Variants in SRPK2 observed in about 807,000 individuals in gnomAD.
SRPK2 encodes SFRS protein kinase 2.
Under a neutral mutation model 90.8 loss-of-function variants are expected in SRPK2, and 21 were observed. The observed-to-expected ratio is 0.23, with a 90% CI of 0.16 to 0.33. The LOEUF (loss-of-function observed/expected upper bound fraction) is 0.33. Ranked by LOEUF, SRPK2 falls within the 10% of genes least tolerant of loss-of-function variation. The probability of loss-of-function intolerance (pLI) is 1.00; values close to 1 mark genes in which losing one functional copy is unlikely to be tolerated. For missense variants in SRPK2, 620 were observed against 869.0 expected (o/e 0.71, Z 3.60); for synonymous variants, 288 against 311.1 (o/e 0.93, Z 0.78).
chr7:105,285,165 T>C (rs972147277), intron 2 of SRPK2, among the ~76,000 whole-genome samples: 5 of 152,072 alleles, frequency 3.3e-5, no homozygotes, highest in Admixed American at 3.3e-4. Flanking sequence ...GCAGGAGGAT[T>C]GCTTGAGCCC....
At chr7:105,308,038 G>GT (rs1811328479) in intron 2 of SRPK2, among the ~76,000 whole-genome samples, 1 of 152,170 alleles carries the variant, frequency 6.6e-6, no homozygotes, top group Non-Finnish European at 1.5e-5. Flanking sequence ...GGAGAACTTA[G>GT]TAATATTAAC....
intron 2 of SRPK2, among the ~76,000 whole-genome samples, chr7:105,367,769 T>C (rs1393270371): frequency 6.6e-6 from 1 of 152,208 alleles, no homozygotes; most frequent in Non-Finnish European, 1.5e-5. Context: ...TGTGTACATT[T>C]CATGTTGGTA....
chr7:105,321,437 C>A (rs1314242489), intron 2 of SRPK2, among the ~76,000 whole-genome samples: 2 of 152,040 alleles, frequency 1.3e-5, no homozygotes, highest in Non-Finnish European at 2.9e-5. Flanking sequence ...AGATATAACA[C>A]CAAAAAAGCA....
intron 2 of SRPK2, among the ~76,000 whole-genome samples, chr7:105,245,708 A>G (rs765240592): frequency 4.6e-5 from 7 of 152,050 alleles, no homozygotes; most frequent in Non-Finnish European, 8.8e-5. Context: ...GCATTTAGAA[A>G]ACACTTTTTT....
Position 105,116,875 on chromosome 7 carries a change from T to C in SRPK2, c.*963A>G, listed in dbSNP as rs1326021389. On this transcript the variant is annotated 3_prime_UTR_variant, in exon 16 of 16. Coordinates refer to ENST00000393651, the MANE Select transcript of SRPK2 (RefSeq NM_182692.3). ...TGCAAATTGTATATACCATACCTTG[T>C]GTTCTAGACAAGCATGATCATGCTT... 1.3e-5 allele frequency: 2 copies of C among 152,232 alleles called. No homozygotes were observed. The highest frequency in any genetic ancestry group is 1.3e-4 in the Admixed American group (2 of 15,286). The allele number at this position is 152,232 out of a possible 1,614,324, so 9.4% of individuals were successfully genotyped here. A position where few individuals can be genotyped will look rare whatever the true frequency, so the allele number is the denominator to read the frequency against.
chr7:105,303,062 A>G (rs1810741635), intron 2 of SRPK2, among the ~76,000 whole-genome samples: 1 of 152,102 alleles, frequency 6.6e-6, no homozygotes, highest in African/African-American at 2.4e-5. Flanking sequence ...CGACAGAACA[A>G]GACTCCGTCT....
At chr7:105,302,537 T>C (rs1164673641) in intron 2 of SRPK2, among the ~76,000 whole-genome samples, 1 of 152,234 alleles carries the variant, frequency 6.6e-6, no homozygotes, top group East Asian at 1.9e-4. Context: ...ATCTCTTCTT[T>C]TGCTTAATTA....
intron 13 of SRPK2, 103 bp from the exon 14 acceptor site, chr7:105,127,165 TCAAA>T: frequency 9.6e-7 from 1 of 1,041,506 alleles, no homozygotes; most frequent in Non-Finnish European, 1.4e-6. Flanking sequence ...AAGATCTGAA[TCAAA>T]CAAAATAGCC....
intron 2 of SRPK2, among the ~76,000 whole-genome samples, chr7:105,378,798 C>G (rs1023845773): frequency 2.0e-5 from 3 of 151,576 alleles, no homozygotes; most frequent in African/African-American, 7.3e-5. Flanking sequence ...CATCATTACT[C>G]AGGAAAATGC....
rs564218419 is a variant in SRPK2, at chr7:105,139,437, T to C, written c.1543+2571A>G. Among the ~76,000 whole-genome samples, 105 of 152,280 alleles carry C rather than the reference T, an allele frequency of 6.9e-4. 1 individual carries two copies. The highest frequency in any genetic ancestry group is 2.4e-3 in the African/African-American group (101 of 41,552). On this transcript the variant is annotated intron_variant, in intron 11 of 15. Transcript: ENST00000393651. ...AAAAGAAGACATCCTGATGATCAAG[T>C]TTCTCACTGGAGCAACAAGAAATGG...
intron 2 of SRPK2, among the ~76,000 whole-genome samples, chr7:105,327,870 G>C (rs775207944): frequency 6.6e-6 from 1 of 152,148 alleles, no homozygotes; most frequent in Non-Finnish European, 1.5e-5. Context: ...GCGTGATCCC[G>C]GCTCACTGCA....
chr7:105,336,833 C>T (rs993009317), intron 2 of SRPK2, among the ~76,000 whole-genome samples: 4 of 152,014 alleles, frequency 2.6e-5, no homozygotes, highest in South Asian at 4.1e-4. Context: ...GACAGGGTCT[C>T]GCTCTGTTGC....
chr7:105,331,146 A>AT, intron 2 of SRPK2, among the ~76,000 whole-genome samples: 1 of 151,826 alleles, frequency 6.6e-6, no homozygotes, highest in East Asian at 1.9e-4. Flanking sequence ...TACCAAAAAT[A>AT]TTTTTTTAAA....
chr7:105,397,194 T>C (rs1294435799), intron 1 of SRPK2, among the ~76,000 whole-genome samples: 1 of 151,748 alleles, frequency 6.6e-6, no homozygotes, highest in African/African-American at 2.4e-5. Flanking sequence ...ATTTTTGTAT[T>C]TTTAATAGAG....
intron 2 of SRPK2, among the ~76,000 whole-genome samples, chr7:105,336,067 CA>C (rs1815061608): frequency 6.6e-6 from 1 of 151,758 alleles, no homozygotes; most frequent in African/African-American, 2.4e-5. Context: ...TGAAAAAAAT[CA>C]AATGTTATCT....
chr7:105,209,942 C>T (rs538307769), intron 2 of SRPK2, among the ~76,000 whole-genome samples: 8 of 152,056 alleles, frequency 5.3e-5, no homozygotes, highest in Non-Finnish European at 1.2e-4. Flanking sequence ...CTTTCAATAT[C>T]ATACTATAAT....
intron 2 of SRPK2, among the ~76,000 whole-genome samples, chr7:105,242,546 T>C (rs1384064781): frequency 1.3e-5 from 2 of 152,066 alleles, no homozygotes; most frequent in South Asian, 2.1e-4. Flanking sequence ...CAGCTGGAAA[T>C]GTATAAGCAA....
intron 3 of SRPK2, among the ~76,000 whole-genome samples, chr7:105,198,758 T>G (rs138343092): frequency 1.9e-3 from 282 of 152,272 alleles, no homozygotes; most frequent in African/African-American, 6.5e-3. Flanking sequence ...TTCATTTAAA[T>G]CCTCATAAAA....
chr7:105,273,850 T>G (rs1263762084), intron 2 of SRPK2, among the ~76,000 whole-genome samples: 3 of 152,222 alleles, frequency 2.0e-5, no homozygotes, highest in Non-Finnish European at 4.4e-5. Flanking sequence ...CAATCTAATG[T>G]TAGTTACAAT....
Sources: gnomAD v4.1 joint callset for allele counts (sites outside exome capture counted in the v4.1 genomes callset) on GRCh38, gnomAD v4.1.1 for gene constraint, MANE v1.5 for transcripts, NCBI Gene and HGNC (gene_info 2026-07-23, HGNC 2026-07-21) for gene names.